SLCO6A1: variants seen among roughly 807,000 people sequenced by gnomAD.
SLCO6A1 encodes cancer/testis antigen 48.
In SLCO6A1, 65 loss-of-function variants were observed where a neutral mutation model predicts 72.7. The ratio of observed to expected loss-of-function variants is 0.89; its 90% CI spans 0.73 to 1.10. SLCO6A1 has a LOEUF of 1.10. SLCO6A1 is among the 50% of genes least tolerant of loss of function. The pLI is 0.00. For missense variants in SLCO6A1, 874 were observed against 872.6 expected, an observed-to-expected ratio of 1.00 and a Z score of -0.02; for synonymous variants, 314 against 298.2, an observed-to-expected ratio of 1.05 and a Z score of -0.55.
chr5:102,385,405 C>A (rs1746357711), intron 12 of SLCO6A1, among the ~76,000 whole-genome samples: 2 of 152,080 alleles, frequency 1.3e-5, no homozygotes, highest in Admixed American at 1.3e-4. Flanking sequence ...ACCCCTTTAT[C>A]TTTCTCTGTT....
intron 12 of SLCO6A1, among the ~76,000 whole-genome samples, chr5:102,379,354 G>T (rs1424808516): frequency 2.6e-5 from 4 of 151,836 alleles, no homozygotes; most frequent in Non-Finnish European, 5.9e-5. Flanking sequence ...CTACTCCAAG[G>T]TCATGAAAAT....
intron 12 of SLCO6A1, among the ~76,000 whole-genome samples, chr5:102,376,189 T>C (rs1745783777): frequency 6.6e-6 from 1 of 152,110 alleles, no homozygotes; most frequent in Non-Finnish European, 1.5e-5. Context: ...TAAGCAAAAA[T>C]ATCTTTCAAA....
intron 7 of SLCO6A1, among the ~76,000 whole-genome samples, chr5:102,437,065 T>C (rs930334013): frequency 1.6e-4 from 25 of 152,194 alleles, no homozygotes; most frequent in Non-Finnish European, 1.5e-4. Context: ...CTGGCAAGAT[T>C]AGTGGTATGC....
intron 4 of SLCO6A1, 33 bp downstream of exon 4, chr5:102,475,664 A>G (rs375366040): frequency 1.6e-4 from 237 of 1,445,506 alleles, no homozygotes; most frequent in Non-Finnish European, 2.1e-4. Context: ...ATTTTATACA[A>G]TGTAAACAAA....
chr5:102,408,469 C>T (rs986232328), intron 9 of SLCO6A1, among the ~76,000 whole-genome samples: 13 of 152,170 alleles, frequency 8.5e-5, no homozygotes, highest in Admixed American at 2.6e-4. Flanking sequence ...GAAACCCAAG[C>T]AAAATAAACA....
At chr5:102,458,514 A>G (rs1279958302) in intron 5 of SLCO6A1, 23 bp from the exon 6 acceptor site, 1 of 1,538,540 alleles carries the variant, frequency 6.5e-7, no homozygotes, top group South Asian at 1.2e-5. Context: ...AAGTAAAAAA[A>G]CTTATGACAT....
chr5:102,476,167 A>G (rs1469747009), intron 3 of SLCO6A1, among the ~76,000 whole-genome samples: 1 of 152,120 alleles, frequency 6.6e-6, no homozygotes, highest in Non-Finnish European at 1.5e-5. Flanking sequence ...GAGCTTATCT[A>G]TGTAACCAAA....
At chr5:102,424,701 A>T (rs1037330550) in intron 7 of SLCO6A1, among the ~76,000 whole-genome samples, 1 of 152,198 alleles carries the variant, frequency 6.6e-6, no homozygotes, top group Non-Finnish European at 1.5e-5. Flanking sequence ...TACAAAGAAG[A>T]GTTGGTACCA....
At chr5:102,395,332 T>C (rs1246964073) in intron 10 of SLCO6A1, among the ~76,000 whole-genome samples, 1 of 152,126 alleles carries the variant, frequency 6.6e-6, no homozygotes, top group African/African-American at 2.4e-5. Context: ...AGAATGATGG[T>C]TTCCAACTTC....
intron 7 of SLCO6A1, among the ~76,000 whole-genome samples, chr5:102,435,583 AG>A (rs886890753): frequency 1.3e-5 from 2 of 152,180 alleles, no homozygotes; most frequent in Non-Finnish European, 2.9e-5. Context: ...CCAGTGTAAA[AG>A]GTTATCAGGA....
chr5:102,458,498 A>AT lies in SLCO6A1; in HGVS notation c.1022-8dup, dbSNP rs1561479153. On this transcript the variant is annotated splice_polypyrimidine_tract_variant and splice_region_variant and intron_variant, in intron 5 of 13. Coordinates refer to ENST00000506729, the MANE Select transcript of SLCO6A1 (RefSeq NM_173488.5). ...GCTTTTATCCGTGTTGAACCTATAT[A>AT]TAAACAAGTAAAAAAACTTATGACA... 6.3e-7 allele frequency: 1 copy of AT among 1,592,310 alleles called. No homozygotes were observed. Among genetic ancestry groups the AT allele is most frequent in the Non-Finnish European group, 8.6e-7 (1 of 1,168,372 alleles).
chr5:102,416,099 C>T (rs1012530174), intron 8 of SLCO6A1, among the ~76,000 whole-genome samples: 5 of 151,942 alleles, frequency 3.3e-5, no homozygotes, highest in South Asian at 2.1e-4. Context: ...TGCTTCTACA[C>T]GGTTGGTGGG....
intron 12 of SLCO6A1, among the ~76,000 whole-genome samples, chr5:102,383,082 G>C (rs10073412): frequency 1.8e-5 from 1 of 54,654 alleles, no homozygotes; most frequent in Non-Finnish European, 4.1e-5. Context: ...TATAGTGTAT[G>C]TATATGTGTG....
At chr5:102,406,914 A>G (rs1057241517) in intron 9 of SLCO6A1, among the ~76,000 whole-genome samples, 2 of 152,194 alleles carry the variant, frequency 1.3e-5, no homozygotes, top group Admixed American at 1.3e-4. Flanking sequence ...CAGAAAAGAG[A>G]AAAAGTAGCA....
chr5:102,429,848 A>G (rs12110287), intron 7 of SLCO6A1, among the ~76,000 whole-genome samples: 8,239 of 152,204 alleles, frequency 0.054, 737 homozygotes, highest in African/African-American at 0.19. Context: ...GAAGAATTGC[A>G]TTGGTAGTTT....
At chr5:102,451,486 A>G (rs1750415349) in intron 6 of SLCO6A1, among the ~76,000 whole-genome samples, 1 of 152,148 alleles carries the variant, frequency 6.6e-6, no homozygotes, top group Non-Finnish European at 1.5e-5. Flanking sequence ...TCAGGAGTCC[A>G]TTGCCCTGGG....
chr5:102,372,864 A>T (rs181996519), intron 13 of SLCO6A1, among the ~76,000 whole-genome samples: 5 of 152,092 alleles, frequency 3.3e-5, no homozygotes, highest in Admixed American at 1.3e-4. Flanking sequence ...TTAATTTTTA[A>T]AAGGTTTAAA....
intron 10 of SLCO6A1, among the ~76,000 whole-genome samples, chr5:102,396,010 T>G (rs949845266): frequency 5.9e-5 from 9 of 152,040 alleles, no homozygotes; most frequent in Non-Finnish European, 1.2e-4. Flanking sequence ...ACTCTGATGG[T>G]AGTTTCTTTT....
intron 7 of SLCO6A1, among the ~76,000 whole-genome samples, chr5:102,428,077 G>A (rs1314173061): frequency 1.3e-5 from 2 of 151,074 alleles, no homozygotes; most frequent in African/African-American, 2.4e-5. Flanking sequence ...TCACCTTGTT[G>A]GCCAAGCTGG....
Sources: gnomAD v4.1 joint callset for allele counts (sites outside exome capture counted in the v4.1 genomes callset) on GRCh38, gnomAD v4.1.1 for gene constraint, MANE v1.5 for transcripts, NCBI Gene and HGNC (gene_info 2026-07-23, HGNC 2026-07-21) for gene names.